Variants in SYT1 observed in about 807,000 individuals in gnomAD.
The protein encoded by SYT1 is synaptotagmin 1.
Under a neutral mutation model 44.8 loss-of-function variants are expected in SYT1, and 8 were observed. The ratio of observed to expected loss-of-function variants is 0.18; its 90% CI spans 0.10 to 0.32. The LOEUF (loss-of-function observed/expected upper bound fraction) is 0.32. Ranked by LOEUF, SYT1 falls within the 10% of genes least tolerant of loss-of-function variation. The pLI, the probability that SYT1 is intolerant of heterozygous loss-of-function variation, is 1.00. For missense variants in SYT1, 286 were observed against 509.3 expected (o/e 0.56, Z 4.22); for synonymous variants, 154 against 188.8 (o/e 0.82, Z 1.51).
intron 3 of SYT1, among the ~76,000 whole-genome samples, chr12:79,137,541 G>A (rs1215164579): frequency 1.3e-5 from 2 of 152,154 alleles, no homozygotes; most frequent in African/African-American, 4.8e-5. Context: ...TAAATTAGAA[G>A]AGACAAATGA....
At chr12:79,357,845 C>T (rs1328300971) in intron 9 of SYT1, among the ~76,000 whole-genome samples, 2 of 152,070 alleles carry the variant, frequency 1.3e-5, no homozygotes, top group Non-Finnish European at 2.9e-5. Flanking sequence ...AGTAAATCTT[C>T]CTTCAAATAA....
chr12:79,421,969 G>A (rs1389189470), intron 9 of SYT1, among the ~76,000 whole-genome samples: 3 of 151,632 alleles, frequency 2.0e-5, no homozygotes, highest in Non-Finnish European at 4.4e-5. Context: ...TCTCCTTCAG[G>A]GACATCAATT....
chr12:79,250,547 A>T, intron 4 of SYT1, among the ~76,000 whole-genome samples: 1 of 152,214 alleles, frequency 6.6e-6, no homozygotes, highest in East Asian at 1.9e-4. Flanking sequence ...AAATGTATTT[A>T]TAATTTATAC....
intron 3 of SYT1, among the ~76,000 whole-genome samples, chr12:79,187,597 T>A (rs1187553170): frequency 6.6e-6 from 1 of 152,136 alleles, no homozygotes; most frequent in Non-Finnish European, 1.5e-5. Flanking sequence ...TGCATATTCA[T>A]GTATCACCTC....
At chr12:79,087,101 G>A (rs752325895) in intron 3 of SYT1, among the ~76,000 whole-genome samples, 26 of 152,168 alleles carry the variant, frequency 1.7e-4, no homozygotes, top group Middle Eastern at 6.8e-3. Flanking sequence ...TACACAATTC[G>A]GGCCTTTTCT....
intron 3 of SYT1, among the ~76,000 whole-genome samples, chr12:79,075,327 T>TTCTC (rs147649986): frequency 6.6e-6 from 1 of 151,248 alleles, no homozygotes; most frequent in Admixed American, 6.6e-5. Flanking sequence ...TCACTACAAC[T>TTCTC]TCTCTCTCTC....
chr12:79,394,951 A>C (rs1884810418), intron 9 of SYT1, among the ~76,000 whole-genome samples: 1 of 152,220 alleles, frequency 6.6e-6, no homozygotes, highest in Non-Finnish European at 1.5e-5. Context: ...TTTCATGAGA[A>C]TCCCAAAGTT....
chr12:79,166,211 C>T (rs1871214427), intron 3 of SYT1, among the ~76,000 whole-genome samples: 1 of 151,876 alleles, frequency 6.6e-6, no homozygotes, highest in South Asian at 2.1e-4. Flanking sequence ...AACAATTTTT[C>T]AGAAGGCAAT....
intron 4 of SYT1, among the ~76,000 whole-genome samples, chr12:79,239,602 A>T (rs187554038): frequency 6.8e-4 from 104 of 152,326 alleles, no homozygotes; most frequent in Non-Finnish European, 1.2e-3. Flanking sequence ...AACCTATTCT[A>T]AAAAAAGTTT....
intron 1 of SYT1, among the ~76,000 whole-genome samples, chr12:78,951,949 A>G (rs1565733836): frequency 6.6e-6 from 1 of 152,122 alleles, no homozygotes; most frequent in South Asian, 2.1e-4. Flanking sequence ...AGACTCCACT[A>G]ATTAGCTTAG....
At chr12:78,954,148 G>T (rs986068268) in intron 1 of SYT1, among the ~76,000 whole-genome samples, 4 of 152,032 alleles carry the variant, frequency 2.6e-5, no homozygotes, top group Non-Finnish European at 4.4e-5. Flanking sequence ...TTTAGCTAAG[G>T]TGAAATGTGT....
chr12:79,377,570 G>C (rs919584642), intron 9 of SYT1, among the ~76,000 whole-genome samples: 2 of 152,194 alleles, frequency 1.3e-5, no homozygotes, highest in Non-Finnish European at 2.9e-5. Context: ...AAGAAGCACT[G>C]TGTGGTGTTT....
At chr12:79,341,361 G>C (rs1882365982) in intron 8 of SYT1, 2 of 152,078 alleles carry the variant, frequency 1.3e-5, no homozygotes, top group Non-Finnish European at 2.9e-5. Flanking sequence ...CTGAACCTCT[G>C]CCATCTTCAG....
chr12:79,132,060 G>C (rs1255624729), intron 3 of SYT1, among the ~76,000 whole-genome samples: 2 of 152,088 alleles, frequency 1.3e-5, no homozygotes, highest in Non-Finnish European at 2.9e-5. Context: ...CTTCCTATTA[G>C]AAATTGTTAT....
chr12:79,216,574 A>G (rs1000994787), intron 3 of SYT1, among the ~76,000 whole-genome samples: 1 of 152,198 alleles, frequency 6.6e-6, no homozygotes, highest in African/African-American at 2.4e-5. Context: ...CAGAAGGTGG[A>G]TAAATTAGGA....
chr12:79,102,832 C>T (rs1419533651), intron 3 of SYT1, among the ~76,000 whole-genome samples: 1 of 152,120 alleles, frequency 6.6e-6, no homozygotes, highest in Admixed American at 6.5e-5. Flanking sequence ...GTCATTTGTT[C>T]TCTGAGATAA....
chr12:78,915,582 A>G (rs185144269), intron 1 of SYT1, among the ~76,000 whole-genome samples: 1 of 152,156 alleles, frequency 6.6e-6, no homozygotes, highest in African/African-American at 2.4e-5. Flanking sequence ...TTTGTCTTAT[A>G]TATGTATTTG....
intron 2 of SYT1, among the ~76,000 whole-genome samples, chr12:79,028,430 T>G (rs769966028): frequency 6.6e-6 from 1 of 151,384 alleles, no homozygotes; most frequent in Non-Finnish European, 1.5e-5. Context: ...TAGAGCTAAG[T>G]GCTATTCAAA....
At chr12:79,285,396 A>G (rs1879260569) in intron 4 of SYT1, among the ~76,000 whole-genome samples, 1 of 152,174 alleles carries the variant, frequency 6.6e-6, no homozygotes, top group Admixed American at 6.5e-5. Context: ...GAGATGAGGA[A>G]AGTGAGGCAG....
Sources: gnomAD v4.1 joint callset for allele counts (sites outside exome capture counted in the v4.1 genomes callset) on GRCh38, gnomAD v4.1.1 for gene constraint, MANE v1.5 for transcripts, NCBI Gene and HGNC (gene_info 2026-07-23, HGNC 2026-07-21) for gene names.